Variants in ANKRD44 observed in about 807,000 individuals in gnomAD.
The protein encoded by ANKRD44 is serine/threonine-protein phosphatase 6 regulatory ankyrin repeat subunit B.
Under a neutral mutation model 116.0 loss-of-function variants are expected in ANKRD44, and 35 were observed. That is an observed-to-expected ratio of 0.30 (90% CI 0.23 to 0.40). The LOEUF is 0.40. ANKRD44 is among the 10% of genes least tolerant of loss of function. The pLI, the probability that ANKRD44 is intolerant of heterozygous loss-of-function variation, is 1.00. For missense variants in ANKRD44, 1,014 were observed against 1,242.6 expected (o/e 0.82, Z 2.77); for synonymous variants, 435 against 461.8 (o/e 0.94, Z 0.74).
chr2:197,196,678 T>C (rs2080956957), intron 1 of ANKRD44, among the ~76,000 whole-genome samples: 1 of 152,212 alleles, frequency 6.6e-6, no homozygotes, highest in Admixed American at 6.5e-5. Context: ...CTCAGTCACA[T>C]TAAATCATTC....
intron 16 of ANKRD44, among the ~76,000 whole-genome samples, chr2:197,042,893 A>G (rs1372337963): frequency 6.6e-6 from 1 of 152,198 alleles, no homozygotes; most frequent in Non-Finnish European, 1.5e-5. Context: ...AACTCACTGC[A>G]GTTTATGAAT....
intron 1 of ANKRD44, among the ~76,000 whole-genome samples, chr2:197,240,979 G>A (rs1180862363): frequency 2.0e-5 from 3 of 151,834 alleles, no homozygotes; most frequent in Admixed American, 2.0e-4. Context: ...TACTGAACAT[G>A]AATAAATTTG....
intron 6 of ANKRD44, among the ~76,000 whole-genome samples, chr2:197,124,480 A>T (rs980233609): frequency 2.6e-5 from 4 of 152,246 alleles, no homozygotes; most frequent in African/African-American, 9.6e-5. Context: ...TTCAATGAAA[A>T]TGAGAATTAT....
chr2:196,973,205 TA>T (rs1468786540), intron 21 of ANKRD44, among the ~76,000 whole-genome samples: 2 of 152,206 alleles, frequency 1.3e-5, no homozygotes, highest in Non-Finnish European at 2.9e-5. Context: ...GTTGAGATTA[TA>T]AAATATACTT....
chr2:197,005,547 A>C (rs1574258519), intron 21 of ANKRD44, 147 bp downstream of exon 21: 1 of 777,906 alleles, frequency 1.3e-6, no homozygotes, highest in Non-Finnish European at 2.1e-6. Flanking sequence ...TAAAAAAACA[A>C]ACAAAATACA....
At position 196,993,240 on chromosome 2, in the gene ANKRD44, T is replaced by C. The variant is rs146402971; in HGVS notation, c.2923+343A>G. ...AGCCCTTGAGCATGCATTAATGACATGTGTAGTCCCTAACTCTTCAGCATT... is the reference window on the plus strand; with the variant it reads ...AGCCCTTGAGCATGCATTAATGACACGTGTAGTCCCTAACTCTTCAGCATT... On this transcript the variant is annotated intron_variant, in intron 27 of 27. Coordinates refer to ENST00000282272, the MANE Select transcript of ANKRD44 (RefSeq NM_001195144.2). 3.1e-3 allele frequency among the ~76,000 whole-genome samples: 470 copies of C among 152,326 alleles called. 2 individuals are homozygous for C. Among genetic ancestry groups the C allele is most frequent in the African/African-American group, 0.011 (443 of 41,574 alleles).
chr2:197,151,623 A>T (rs1367827455), intron 2 of ANKRD44, among the ~76,000 whole-genome samples: 1 of 152,246 alleles, frequency 6.6e-6, no homozygotes, highest in Non-Finnish European at 1.5e-5. Flanking sequence ...TACGTTTTAC[A>T]ATCATTTATT....
intron 1 of ANKRD44, among the ~76,000 whole-genome samples, chr2:197,306,540 C>T (rs1456513011): frequency 6.6e-6 from 1 of 152,182 alleles, no homozygotes; most frequent in Non-Finnish European, 1.5e-5. Flanking sequence ...TGATTGGGTC[C>T]TGAAACAACC....
intron 17 of ANKRD44, chr2:197,016,058 T>C (rs957244944): frequency 1.2e-5 from 6 of 505,246 alleles, no homozygotes; most frequent in South Asian, 5.8e-5. Context: ...GAGAGAGCGA[T>C]GAGTTGTCAG....
chr2:197,090,039 A>C lies in ANKRD44; in HGVS notation c.1101-7T>G, dbSNP rs1277297415. 1.2e-6 allele frequency: 2 copies of C among 1,612,318 alleles called. No homozygotes were observed. Among genetic ancestry groups the C allele is most frequent in the Non-Finnish European group, 1.7e-6 (2 of 1,178,548 alleles). ...CATGCTATGGATTCCACACCTGAGG[A>C]GTAAGAAAACAGAGCAACTCACGGC... On this transcript the variant is annotated splice_polypyrimidine_tract_variant and splice_region_variant and intron_variant, in intron 10 of 27. Coordinates refer to ENST00000282272, the MANE Select transcript of ANKRD44 (RefSeq NM_001195144.2).
Position 196,988,331 on chromosome 2 carries a change from G to C in ANKRD44, c.*1260C>G. On this transcript the variant is annotated 3_prime_UTR_variant, in exon 28 of 28. Transcript: ENST00000282272. ...ATTTTCAGTGTTTTGGTAAAGATAA[G>C]GTCATTATTGCTCATTAGCAATTTA... 2 of 985,340 alleles carry C rather than the reference G, an allele frequency of 2.0e-6. No homozygotes were observed. The highest frequency in any genetic ancestry group is 2.4e-6 in the Non-Finnish European group (2 of 829,912). The allele number at this position is 985,340 out of a possible 1,614,324, so 61.0% of individuals were successfully genotyped here. A position where few individuals can be genotyped will look rare whatever the true frequency, so the allele number is the denominator to read the frequency against.
intron 16 of ANKRD44, among the ~76,000 whole-genome samples, chr2:197,046,298 AAGC>A (rs1211969534): frequency 7.9e-5 from 12 of 152,360 alleles, no homozygotes; most frequent in Admixed American, 5.9e-4. Context: ...AAATTCCAAG[AAGC>A]AGAATATTAA....
At chr2:197,106,142 G>A (rs1022849205) in intron 9 of ANKRD44, among the ~76,000 whole-genome samples, 5 of 152,110 alleles carry the variant, frequency 3.3e-5, no homozygotes, top group African/African-American at 1.2e-4. Flanking sequence ...GCTTAAAACT[G>A]TAAAAATATA....
intron 1 of ANKRD44, among the ~76,000 whole-genome samples, chr2:197,224,741 T>C (rs907385189): frequency 3.9e-5 from 6 of 152,230 alleles, no homozygotes; most frequent in African/African-American, 1.4e-4. Context: ...CAATTTTCTT[T>C]CCTTTTCTAG....
At chr2:197,264,395 G>A (rs1343794369) in intron 1 of ANKRD44, among the ~76,000 whole-genome samples, 1 of 152,128 alleles carries the variant, frequency 6.6e-6, no homozygotes, top group Non-Finnish European at 1.5e-5. Context: ...GAATTCAACC[G>A]CTATCTTTTG....
In ANKRD44 at chr2:197,085,676, G is replaced by C. The variant is rs1453959748; in HGVS notation, c.1316+1004C>G. On this transcript the variant is annotated intron_variant, in intron 13 of 27. Coordinates refer to ENST00000282272, the MANE Select transcript of ANKRD44 (RefSeq NM_001195144.2). Reference sequence around the variant, plus strand: ...GTTACCCTATATGGTCTAAAAAGGGGAGGAATGAATAATCCACCCCTTGTT... The same window carrying C: ...GTTACCCTATATGGTCTAAAAAGGGCAGGAATGAATAATCCACCCCTTGTT... 2.0e-5 allele frequency among the ~76,000 whole-genome samples: 3 copies of C among 150,210 alleles called. No individual in the cohort carries two copies. In the East Asian group the frequency reaches 5.8e-4, roughly 29 times the overall value.
At chr2:197,063,623 T>G (rs536498954) in intron 16 of ANKRD44, among the ~76,000 whole-genome samples, 1 of 152,238 alleles carries the variant, frequency 6.6e-6, no homozygotes, top group South Asian at 2.1e-4. Flanking sequence ...CTGATGGAGC[T>G]GAAAACCATG....
At chr2:197,021,868 AGG>A (rs968067133) in intron 17 of ANKRD44, among the ~76,000 whole-genome samples, 7 of 152,236 alleles carry the variant, frequency 4.6e-5, no homozygotes, top group African/African-American at 1.4e-4. Context: ...AAGGACAATG[AGG>A]GGAAAGAATT....
intron 3 of ANKRD44, among the ~76,000 whole-genome samples, chr2:197,138,474 T>G (rs2079274635): frequency 6.6e-6 from 1 of 152,182 alleles, no homozygotes; most frequent in Non-Finnish European, 1.5e-5. Flanking sequence ...TAAAATAAAA[T>G]TACCACTACC....
Sources: allele counts gnomAD v4.1 joint callset (sites outside exome capture counted in the v4.1 genomes callset), GRCh38; gene constraint gnomAD v4.1.1; transcripts MANE v1.5; gene names NCBI Gene and HGNC (gene_info 2026-07-23, HGNC 2026-07-21).